The following ATL2 variants were observed in gnomAD, a reference collection of about 807,000 sequenced individuals.
ATL2 encodes atlastin GTPase 2, also known as atlastin-2.
A neutral mutation model predicts 73.9 loss-of-function variants in ATL2; 31 were observed. The ratio of observed to expected loss-of-function variants is 0.42; its 90% CI spans 0.32 to 0.57. ATL2 has a LOEUF of 0.57. ATL2 is among the 20% of genes least tolerant of loss of function. The pLI is 0.14. For synonymous variants in ATL2, 291 were observed against 237.5 expected (o/e 1.23, Z -2.07); for missense variants, 738 against 702.6 (o/e 1.05, Z -0.57).
At chr2:38,353,976 A>C (rs1263988455) in intron 1 of ATL2, 3 of 221,136 alleles carry the variant, frequency 1.4e-5, no homozygotes, top group Admixed American at 1.2e-4. Flanking sequence ...GCAGATCACG[A>C]GAGGTCAGGA....
At chr2:38,377,301 G>C (rs1351491929), upstream of ATL2, 1 of 1,473,968 alleles carries the variant, frequency 6.8e-7, no homozygotes, top group African/African-American at 1.5e-5. Flanking sequence ...GACGTCAAAC[G>C]CCGCCGCCGC....
chr2:38,355,281 C>T (rs190002826), intron 1 of ATL2, among the ~76,000 whole-genome samples: 56 of 152,260 alleles, frequency 3.7e-4, no homozygotes, highest in African/African-American at 1.3e-3. Flanking sequence ...CGCCCTCCAC[C>T]ATGCCCAGCT....
intron 4 of ATL2, among the ~76,000 whole-genome samples, chr2:38,317,308 T>C (rs1668075740): frequency 1.3e-5 from 2 of 152,174 alleles, no homozygotes; most frequent in Admixed American, 6.5e-5. Flanking sequence ...ACCGCCATAC[T>C]TCAATAATTC....
chr2:38,352,296 G>C (rs771651333), intron 1 of ATL2, among the ~76,000 whole-genome samples: 1 of 152,080 alleles, frequency 6.6e-6, no homozygotes, highest in Admixed American at 6.6e-5. Context: ...AGAGTAACTG[G>C]TATCAGACTG....
rs1666849846 is a variant in ATL2, at chr2:38,295,601, G to C, written c.*393C>G. ...TTTCCAATCTGGTTCTTGAAACAGT[G>C]ATTCATAAATTCTCTAAAAATTAAA... On this transcript the variant is annotated 3_prime_UTR_variant, in exon 13 of 13. Coordinates refer to ENST00000378954, the MANE Select transcript of ATL2 (RefSeq NM_001135673.4). The C allele has an allele frequency of 6.5e-6, 1 of 154,528 alleles. No homozygotes were observed. The highest frequency in any genetic ancestry group is 2.4e-5 in the African/African-American group (1 of 41,506). 9.6% of individuals were successfully genotyped at this position (154,528 alleles called of 1,614,324 possible).
At chr2:38,311,762 G>A (rs1036006057) in intron 7 of ATL2, among the ~76,000 whole-genome samples, 5 of 152,138 alleles carry the variant, frequency 3.3e-5, no homozygotes, top group Non-Finnish European at 7.3e-5. Flanking sequence ...AATTCATCAA[G>A]CTACACACTT....
At chr2:38,346,491 C>T (rs55720580) in intron 1 of ATL2, among the ~76,000 whole-genome samples, 15,940 of 152,132 alleles carry the variant, frequency 0.1, 2,762 homozygotes, top group African/African-American at 0.36. Flanking sequence ...TTTAAACCAG[C>T]GGTCCCCAAC....
At chr2:38,355,352 T>A (rs1256678623) in intron 1 of ATL2, among the ~76,000 whole-genome samples, 1 of 151,996 alleles carries the variant, frequency 6.6e-6, no homozygotes, top group Non-Finnish European at 1.5e-5. Context: ...GTCTTGAACT[T>A]CTGACCTCCC....
intron 2 of ATL2, among the ~76,000 whole-genome samples, chr2:38,323,816 T>A (rs1007740721): frequency 3.3e-5 from 5 of 152,096 alleles, no homozygotes; most frequent in African/African-American, 7.2e-5. Flanking sequence ...GCTCAAGTGA[T>A]CAAAGGGTTG....
chr2:38,329,290 T>A (rs1573496811), intron 2 of ATL2, among the ~76,000 whole-genome samples: 1 of 149,656 alleles, frequency 6.7e-6, no homozygotes, highest in Middle Eastern at 3.4e-3. Flanking sequence ...TAGCCAGGCA[T>A]GGTGGTGGGC....
intron 9 of ATL2, among the ~76,000 whole-genome samples, chr2:38,305,081 A>AAAAAAAG (rs1316130790): frequency 2.0e-5 from 3 of 152,158 alleles, no homozygotes; most frequent in Non-Finnish European, 2.9e-5. Context: ...TGGAAACCAA[A>AAAAAAAG]AAAAAAGAGC....
At position 38,350,758 on chromosome 2, in the gene ATL2, G is replaced by C. The variant is rs74865393; in HGVS notation, c.119-7246C>G. ...TTCATATTGCTGTGAAGCTAAAATT[G>C]CTCTAAAAAAAAAAACCAAAAAAGT... is the stretch of plus-strand genomic sequence containing the variant. On this transcript the variant is annotated intron_variant, in intron 1 of 12. Transcript: ENST00000378954. Among the ~76,000 whole-genome samples, 1,052 of 151,192 alleles carry C rather than the reference G, an allele frequency of 7.0e-3. 13 individuals carry two copies. Among genetic ancestry groups the C allele is most frequent in the East Asian group, 0.059 (305 of 5,168 alleles).
At chr2:38,350,048 T>G (rs920057328) in intron 1 of ATL2, among the ~76,000 whole-genome samples, 3 of 152,216 alleles carry the variant, frequency 2.0e-5, no homozygotes, top group African/African-American at 7.2e-5. Flanking sequence ...TAAATTTCAT[T>G]AGGATACCTG....
chr2:38,364,362 G>C (rs1033096293), intron 1 of ATL2, among the ~76,000 whole-genome samples: 57 of 152,358 alleles, frequency 3.7e-4, no homozygotes, highest in African/African-American at 1.3e-3. Context: ...AGAGGAGAGA[G>C]AGTCAAAGCT....
Position 38,332,458 on chromosome 2 carries a change from G to A in ATL2, c.363+10810C>T, listed in dbSNP as rs543863561. Among the ~76,000 whole-genome samples the A allele has an allele frequency of 1.1e-4, 16 of 152,104 alleles. No homozygotes were observed. In the East Asian group the frequency reaches 2.1e-3, roughly 20 times the overall value. On this transcript the variant is annotated intron_variant, in intron 2 of 12. Coordinates refer to ENST00000378954, the MANE Select transcript of ATL2 (RefSeq NM_001135673.4). ...TGGGCTCAAGCAATCCTCCCACCTC[G>A]GCCTCCCAGAGTTCTGGGATTACAG...
At position 38,343,217 on chromosome 2, in the gene ATL2, T is replaced by C. The variant is rs371959555; in HGVS notation, c.363+51A>G. The C allele has an allele frequency of 1.4e-3, 1,661 of 1,195,770 alleles. 3 individuals are homozygous for C. Among genetic ancestry groups the C allele is most frequent in the Non-Finnish European group, 1.5e-3 (1,269 of 865,762 alleles). The allele number at this position is 1,195,770 out of a possible 1,614,324, so 74.1% of individuals were successfully genotyped here. Reference sequence around the variant, plus strand: ...TTTTTGTCTATTTTTTTAACAGGCATGGTTGGTACTTTTTTCTTTTTAATT... The same window carrying C: ...TTTTTGTCTATTTTTTTAACAGGCACGGTTGGTACTTTTTTCTTTTTAATT... On this transcript the variant is annotated intron_variant, in intron 2 of 12. Transcript: ENST00000378954.
intron 1 of ATL2, among the ~76,000 whole-genome samples, chr2:38,367,341 T>C (rs13023673): frequency 0.11 from 17,220 of 151,514 alleles, 1,246 homozygotes; most frequent in Non-Finnish European, 0.17. Flanking sequence ...CGGTGGCTCA[T>C]GCCTATAATC....
intron 2 of ATL2, among the ~76,000 whole-genome samples, chr2:38,328,426 C>T (rs1007746701): frequency 6.6e-6 from 1 of 152,140 alleles, no homozygotes; most frequent in Non-Finnish European, 1.5e-5. Flanking sequence ...TATCCTGAGC[C>T]TTAAAATACA....
chr2:38,343,175 AAAAG>A, intron 2 of ATL2, 89 bp downstream of exon 2: 5 of 740,092 alleles, frequency 6.8e-6, no homozygotes, highest in South Asian at 2.8e-5. Context: ...AAAAAAAAAA[AAAAG>A]ATATAGTTCT....
Sources: gnomAD v4.1 joint callset for allele counts (sites outside exome capture counted in the v4.1 genomes callset) on GRCh38, gnomAD v4.1.1 for gene constraint, MANE v1.5 for transcripts, NCBI Gene and HGNC (gene_info 2026-07-23, HGNC 2026-07-21) for gene names.